The following MOGAT2 variants were observed in gnomAD, a reference collection of about 807,000 sequenced individuals.
MOGAT2 encodes monoacylglycerol O-acyltransferase 2, also known as 2-acylglycerol O-acyltransferase 2.
A neutral mutation model predicts 31.5 loss-of-function variants in MOGAT2; 27 were observed. The observed-to-expected ratio is 0.86, with a 90% CI of 0.63 to 1.18. The LOEUF is 1.18. Ranked by LOEUF, MOGAT2 falls within the 50% of genes most tolerant of loss-of-function variation. The pLI is 0.00. For missense variants in MOGAT2, 436 were observed against 433.2 expected, an observed-to-expected ratio of 1.01 and a Z score of -0.06; for synonymous variants, 163 against 170.0, an observed-to-expected ratio of 0.96 and a Z score of 0.32.
Position 75,720,041 on chromosome 11 carries a change from G to T in MOGAT2, c.141G>T (p.Trp47Cys), listed in dbSNP as rs758651010. The part of the protein sequence containing the change: ...GFIALLFTRF[W>C]LLTVLYAAWW... ...TAGCCCTCCTGTTTACAAGATTCTG[G>T]CTCCTCACTGTCCTGTATGCGGCCT... The change falls in exon 2 of 6, where the codon TGG becomes TGT. Residue 47 changes from tryptophan (W) to cysteine (C), a missense_variant. Coordinates refer to ENST00000198801, the MANE Select transcript of MOGAT2 (RefSeq NM_025098.4). 2 of 1,614,004 alleles carry T rather than the reference G, an allele frequency of 1.2e-6. No individual in the cohort carries two copies. Among genetic ancestry groups the T allele is most frequent in the East Asian group, 2.2e-5 (1 of 44,898 alleles).
intron 2 of MOGAT2, among the ~76,000 whole-genome samples, chr11:75,720,749 C>T (rs1385312345): frequency 1.3e-5 from 2 of 152,120 alleles, no homozygotes; most frequent in African/African-American, 4.8e-5. Flanking sequence ...TTATCCTGTT[C>T]TGAGGCTCAG....
chr11:75,718,399 G>A (rs1944348298), intron 1 of MOGAT2, among the ~76,000 whole-genome samples: 1 of 152,148 alleles, frequency 6.6e-6, no homozygotes, highest in Admixed American at 6.5e-5. Flanking sequence ...GTAAGTGAGA[G>A]AAACAGGGAA....
At chr11:75,722,050 A>T (rs914324098) in intron 2 of MOGAT2, among the ~76,000 whole-genome samples, 5 of 152,204 alleles carry the variant, frequency 3.3e-5, no homozygotes, top group African/African-American at 1.2e-4. Flanking sequence ...GTGCTCACGA[A>T]GGGTGGTAGA....
At chr11:75,726,731 C>T (rs1301099087) in intron 2 of MOGAT2, among the ~76,000 whole-genome samples, 1 of 132,006 alleles carries the variant, frequency 7.6e-6, no homozygotes, top group African/African-American at 2.9e-5. Context: ...CTGAGTCTTG[C>T]TCTGTTGCCC....
intron 5 of MOGAT2, among the ~76,000 whole-genome samples, chr11:75,729,585 G>A (rs1369519186): frequency 6.6e-6 from 1 of 151,442 alleles, no homozygotes; most frequent in East Asian, 2.0e-4. Context: ...ATACCTTCAA[G>A]ACAGGAGTTA....
chr11:75,717,977 T>C lies in MOGAT2; in HGVS notation c.89T>C (p.Leu30Pro). The C allele has an allele frequency of 6.2e-7, 1 of 1,614,104 alleles. No homozygotes were observed. Among genetic ancestry groups the C allele is most frequent in the Non-Finnish European group, 8.5e-7 (1 of 1,179,968 alleles). ...CAGTTTGTCTTCTCCTTCTTGGCACTGGGTAAGTTGGGCTGCACTGTAAGA... is the reference window on the plus strand; with the variant it reads ...CAGTTTGTCTTCTCCTTCTTGGCACCGGGTAAGTTGGGCTGCACTGTAAGA... ...VLQFVFSFLALAEICTVGFIA... is the reference protein window; with the variant it reads ...VLQFVFSFLAPAEICTVGFIA... The change falls in exon 1 of 6, where the codon CTG (leucine) becomes CCG (proline). Residue 30 changes from leucine (L) to proline (P), a missense_variant and splice_region_variant. Leu to Pro is a moderately conservative substitution (Grantham distance 98). Transcript: ENST00000198801.
intron 2 of MOGAT2, 60 bp downstream of exon 2, chr11:75,720,230 G>C (rs1352471288): frequency 6.5e-7 from 1 of 1,547,184 alleles, no homozygotes; most frequent in Non-Finnish European, 8.8e-7. Flanking sequence ...GTCAGGGCCA[G>C]AGTGCCGACG....
chr11:75,723,698 TTAAATA>T (rs1944396659), intron 2 of MOGAT2, among the ~76,000 whole-genome samples: 1 of 152,174 alleles, frequency 6.6e-6, no homozygotes, highest in Non-Finnish European at 1.5e-5. Context: ...CCCACACCTT[TTAAATA>T]TACTGAAACC....
Position 75,720,215 on chromosome 11 carries a change from G to T in MOGAT2, c.270+45G>T, listed in dbSNP as rs767814590. 14 of 1,581,718 alleles carry T rather than the reference G, an allele frequency of 8.9e-6. No individual in the cohort carries two copies. The East Asian group carries it at 2.9e-4, about 33-fold the overall frequency. ...GGGGTTGGGGAGGGAGTTGGCTGGG[G>T]TGTGGTCAGGGCCAGAGTGCCGACG... On this transcript the variant is annotated intron_variant, in intron 2 of 5. Coordinates refer to ENST00000198801, the MANE Select transcript of MOGAT2 (RefSeq NM_025098.4).
rs1325090161 is a variant in MOGAT2 at position 75,731,989 on chromosome 11, AAAACAC to A, written c.*707_*712del. On this transcript the variant is annotated 3_prime_UTR_variant, in exon 6 of 6. Coordinates refer to ENST00000198801, the MANE Select transcript of MOGAT2 (RefSeq NM_025098.4). ...CATGCACAGCCACAGCGAGCTGTCT[AAAACAC>A]AAAGCTGACCGCGCCATTTCCTACT... 26 of 152,442 alleles carry A rather than the reference AAAACAC, an allele frequency of 1.7e-4. No homozygotes were observed. Among genetic ancestry groups the A allele is most frequent in the African/African-American group, 6.0e-4 (25 of 41,546 alleles). The allele number at this position is 152,442 out of a possible 1,614,324, so 9.4% of individuals were successfully genotyped here. A position where few individuals can be genotyped will look rare whatever the true frequency, so the allele number is the denominator to read the frequency against.
Position 75,729,007 on chromosome 11 carries a change from C to T in MOGAT2, c.850+18C>T. The T allele has an allele frequency of 6.2e-7, 1 of 1,612,242 alleles. No individual in the cohort carries two copies. The highest frequency in any genetic ancestry group is 8.5e-7 in the Non-Finnish European group (1 of 1,179,274). On this transcript the variant is annotated intron_variant, in intron 5 of 5. Transcript: ENST00000198801. The stretch of plus-strand genomic sequence containing the variant: ...CACTGTGGGTAAGTCCAGGACCAGG[C>T]TGGGAGGGAGGAGGCCAAAGGGACA...
chr11:75,719,880 T>C, intron 1 of MOGAT2, 112 bp from the exon 2 acceptor site: 1 of 1,047,070 alleles, frequency 9.6e-7, no homozygotes, highest in Non-Finnish European at 1.4e-6. Flanking sequence ...GCCCGAGGAT[T>C]GGACAGGACA....
intron 4 of MOGAT2, chr11:75,728,485 G>T: frequency 1.8e-6 from 1 of 548,376 alleles, no homozygotes; most frequent in East Asian, 3.3e-5. Context: ...TGAGCCAGCT[G>T]AGGTGGGAGA....
At position 75,731,000 on chromosome 11, in the gene MOGAT2, A is replaced by G. The variant is rs1009460677; in HGVS notation, c.851-132A>G. ...ATCAGAATCTTGGAGTTGCCCTAAT[A>G]TCTTAAAATTCATTAGGGTTGGAAG... On this transcript the variant is annotated intron_variant, in intron 5 of 5. Transcript: ENST00000198801. 1.5e-5 allele frequency: 9 copies of G among 601,208 alleles called. No individual in the cohort carries two copies. In the African/African-American group the frequency reaches 1.7e-4, roughly 12 times the overall value. The allele number at this position is 601,208 out of a possible 1,614,324, so 37.2% of individuals were successfully genotyped here. A position where few individuals can be genotyped will look rare whatever the true frequency, so the allele number is the denominator to read the frequency against.
intron 1 of MOGAT2, chr11:75,719,433 C>G (rs1944357570): frequency 6.5e-6 from 1 of 152,854 alleles, no homozygotes; most frequent in African/African-American, 2.4e-5. Flanking sequence ...AGGGCCAGCT[C>G]TGGGGCTCCT....
chr11:75,725,851 A>C (rs1463571956), intron 2 of MOGAT2, among the ~76,000 whole-genome samples: 1 of 152,210 alleles, frequency 6.6e-6, no homozygotes, highest in African/African-American at 2.4e-5. Flanking sequence ...CAGTCCTATC[A>C]GGGAGCCTCC....
chr11:75,730,277 T>G (rs1944463733), intron 5 of MOGAT2, among the ~76,000 whole-genome samples: 2 of 152,204 alleles, frequency 1.3e-5, no homozygotes. Flanking sequence ...TCCTTCCTGG[T>G]TCTTCCCTGG....
chr11:75,724,619 G>A (rs1944404604), intron 2 of MOGAT2, among the ~76,000 whole-genome samples: 2 of 151,814 alleles, frequency 1.3e-5, no homozygotes, highest in Non-Finnish European at 2.9e-5. Flanking sequence ...CTGAGATCAC[G>A]CCATTGCACT....
At position 75,728,056 on chromosome 11, in the gene MOGAT2, G is replaced by T. The variant is rs768332592; in HGVS notation, c.562G>T (p.Ala188Ser). ...GNLLGIIVGGAQEALDARPGS... is the reference protein window; with the variant it reads ...GNLLGIIVGGSQEALDARPGS... Reference sequence around the variant, plus strand: ...CTTGCTGGGCATCATTGTAGGGGGTGCCCAGGAGGCCCTGGATGCCAGGCC... The same window carrying T: ...CTTGCTGGGCATCATTGTAGGGGGTTCCCAGGAGGCCCTGGATGCCAGGCC... The change falls in exon 4 of 6, where the codon GCC becomes TCC. Residue 188 changes from alanine to serine, a missense_variant. Coordinates refer to ENST00000198801, the MANE Select transcript of MOGAT2 (RefSeq NM_025098.4). 1 of 1,614,152 alleles carries T rather than the reference G, an allele frequency of 6.2e-7. No individual in the cohort carries two copies. The highest frequency in any genetic ancestry group is 2.2e-5 in the East Asian group (1 of 44,884).
Sources: allele counts gnomAD v4.1 joint callset (sites outside exome capture counted in the v4.1 genomes callset), GRCh38; gene constraint gnomAD v4.1.1; transcripts MANE v1.5; gene names NCBI Gene and HGNC (gene_info 2026-07-23, HGNC 2026-07-21).